WIPF1: variants seen among roughly 807,000 people sequenced by gnomAD.
WIPF1 encodes the protein WAS/WASL-interacting protein family member 1.
In WIPF1, 13 loss-of-function variants were observed where a neutral mutation model predicts 35.4. The ratio of observed to expected loss-of-function variants is 0.37; its 90% CI spans 0.24 to 0.58. The LOEUF (loss-of-function observed/expected upper bound fraction) is 0.58. Ranked by LOEUF, WIPF1 falls within the 20% of genes least tolerant of loss-of-function variation. The probability of loss-of-function intolerance (pLI) is 0.74; values close to 1 mark genes in which losing one functional copy is unlikely to be tolerated. For missense variants in WIPF1, 591 were observed against 667.0 expected, an observed-to-expected ratio of 0.89 and a Z score of 1.25; for synonymous variants, 267 against 266.3, an observed-to-expected ratio of 1.00 and a Z score of -0.02.
At chr2:174,569,585 A>C (rs1048358669) in intron 5 of WIPF1, among the ~76,000 whole-genome samples, 3 of 152,188 alleles carry the variant, frequency 2.0e-5, no homozygotes, top group Non-Finnish European at 2.9e-5. Flanking sequence ...CCCTGCTCCA[A>C]ATCCTGGCAG....
Position 174,561,826 on chromosome 2 carries a change from A to G in WIPF1, c.*721T>C, listed in dbSNP as rs1054465013. 2 of 408,182 alleles carry G rather than the reference A, an allele frequency of 4.9e-6. No homozygotes were observed. The highest frequency in any genetic ancestry group is 4.0e-5 in the African/African-American group (2 of 50,194). The allele number at this position is 408,182 out of a possible 1,614,324, so 25.3% of individuals were successfully genotyped here. On this transcript the variant is annotated 3_prime_UTR_variant, in exon 8 of 8. Transcript: ENST00000679041. ...CTACTGAGCACTTAAAAATGTGACT[A>G]GTCTGAATGGAGATGTGCGGTAAGT...
intron 3 of WIPF1, among the ~76,000 whole-genome samples, chr2:174,577,450 A>G (rs1685094606): frequency 6.6e-6 from 1 of 152,232 alleles, no homozygotes; most frequent in Non-Finnish European, 1.5e-5. Flanking sequence ...TTCAAAGTTA[A>G]TATGAATTAT....
Position 174,571,807 on chromosome 2 carries a change from C to T in WIPF1, c.998G>A (p.Arg333Lys). The T allele has an allele frequency of 6.2e-7, 1 of 1,614,172 alleles. No individual in the cohort carries two copies. The highest frequency in any genetic ancestry group is 8.5e-7 in the Non-Finnish European group (1 of 1,180,034). The change falls in exon 5 of 8, where the codon AGA (arginine) becomes AAA (lysine). Residue 333 changes from arginine to lysine, a missense_variant. Physicochemically the swap from Arg to Lys is conservative, Grantham distance 26. Coordinates refer to ENST00000679041, the MANE Select transcript of WIPF1 (RefSeq NM_001375834.1). This position sits in a 1 kb window ranked among gnomAD's most constrained non-coding sequence, Gnocchi z 4.6. ...PSSSGNDETP[R>K]LPQRNLSLSS... ...GAGGGACAGATTCCGCTGTGGGAGT[C>T]TTGGGGTTTCGTCATTGCCGCTGGA... is the stretch of plus-strand genomic sequence containing the variant.
At chr2:174,680,572 T>G (rs772873173) in intron 1 of WIPF1, among the ~76,000 whole-genome samples, 1 of 152,232 alleles carries the variant, frequency 6.6e-6, no homozygotes, top group Admixed American at 6.5e-5. Context: ...TCTCTCAGTA[T>G]GTGTTGTGGA....
chr2:174,614,815 A>G (rs1426104555), intron 1 of WIPF1, among the ~76,000 whole-genome samples: 2 of 152,212 alleles, frequency 1.3e-5, no homozygotes, highest in African/African-American at 4.8e-5. Context: ...CTTACTCTTC[A>G]CTAGCATTGT....
At chr2:174,574,261 A>G (rs916035869) in intron 4 of WIPF1, among the ~76,000 whole-genome samples, 6 of 152,156 alleles carry the variant, frequency 3.9e-5, no homozygotes, top group African/African-American at 1.4e-4. Context: ...TACTAAATGT[A>G]TACATTTATC....
Position 174,575,898 on chromosome 2 carries a change from C to T in WIPF1, c.182-518G>A, listed in dbSNP as rs146693583. Among the ~76,000 whole-genome samples, 43 of 151,602 alleles carry T rather than the reference C, an allele frequency of 2.8e-4. 2 individuals are homozygous for T. Among genetic ancestry groups the T allele is most frequent in the African/African-American group, 9.0e-4 (37 of 41,304 alleles). Reference sequence around the variant, plus strand: ...AGGGAGGAGGAGATGCCATAAAAGGCGAGAAGAAAGGAAAGAGTTAAAAAG... The same window carrying T: ...AGGGAGGAGGAGATGCCATAAAAGGTGAGAAGAAAGGAAAGAGTTAAAAAG... On this transcript the variant is annotated intron_variant, in intron 3 of 7. Coordinates refer to ENST00000679041, the MANE Select transcript of WIPF1 (RefSeq NM_001375834.1).
At chr2:174,581,138 A>AC in intron 3 of WIPF1, 172 bp downstream of exon 3, 1 of 818,620 alleles carries the variant, frequency 1.2e-6, no homozygotes, top group Non-Finnish European at 1.8e-6. Context: ...TTAGAGGGGA[A>AC]CCCAAGCCAA....
chr2:174,611,018 C>T (rs974879875), intron 1 of WIPF1, among the ~76,000 whole-genome samples: 7 of 152,146 alleles, frequency 4.6e-5, no homozygotes, highest in African/African-American at 1.4e-4. Flanking sequence ...TGTTAACTAG[C>T]GAGCAGCTGT....
At chr2:174,680,871 T>C (rs2106000329) in intron 1 of WIPF1, among the ~76,000 whole-genome samples, 2 of 152,272 alleles carry the variant, frequency 1.3e-5, no homozygotes, top group Admixed American at 1.3e-4. Flanking sequence ...TCCTACTAGA[T>C]CCTCATACCC....
chr2:174,601,160 C>T (rs1486931689), upstream of WIPF1, among the ~76,000 whole-genome samples: 1 of 152,058 alleles, frequency 6.6e-6, no homozygotes, highest in African/African-American at 2.4e-5. Flanking sequence ...CTCCTGGCCT[C>T]AAGTGATCTG....
rs778863564 is a variant in WIPF1 at position 174,581,390 on chromosome 2, T to C, written c.101A>G (p.Asn34Ser). 3 of 1,613,980 alleles carry C rather than the reference T, an allele frequency of 1.9e-6. No homozygotes were observed. Among genetic ancestry groups the C allele is most frequent in the African/African-American group, 1.3e-5 (1 of 74,910 alleles). ...TTTGCTGATATCAGAAAGGAGAGCA[T>C]TTCTCCCAGCCTGCTCTGTCTTATT... ...TLNKTEQAGRNALLSDISKGK... is the reference protein window; with the variant it reads ...TLNKTEQAGRSALLSDISKGK... Residue 34 changes from asparagine (N) to serine (S), a missense_variant, in exon 3 of 8, where the codon AAT becomes AGT. Around this residue, in one of 3 missense-constraint regions of WIPF1, gnomAD observed 471 missense variants for 501.1 expected, o/e 0.94. Coordinates refer to ENST00000679041, the MANE Select transcript of WIPF1 (RefSeq NM_001375834.1).
intron 1 of WIPF1, among the ~76,000 whole-genome samples, chr2:174,664,245 C>A (rs896744880): frequency 6.6e-6 from 1 of 152,196 alleles, no homozygotes; most frequent in African/African-American, 2.4e-5. Flanking sequence ...GGCAGGACAA[C>A]CAGAACAGAG....
intron 4 of WIPF1, among the ~76,000 whole-genome samples, chr2:174,573,435 A>G (rs1684939978): frequency 6.6e-6 from 1 of 152,246 alleles, no homozygotes; most frequent in Non-Finnish European, 1.5e-5. Flanking sequence ...GGGGGGAGAT[A>G]AACAATAAAC....
At chr2:174,659,291 A>G (rs998996474) in intron 1 of WIPF1, among the ~76,000 whole-genome samples, 3 of 152,178 alleles carry the variant, frequency 2.0e-5, no homozygotes, top group Non-Finnish European at 2.9e-5. Context: ...GCTACTTTCA[A>G]TGGAGGCTCA....
At chr2:174,602,790 G>T (rs1191093755), upstream of WIPF1, among the ~76,000 whole-genome samples, 1 of 152,136 alleles carries the variant, frequency 6.6e-6, no homozygotes, top group Non-Finnish European at 1.5e-5. Context: ...ATCTTACTTG[G>T]GGAAAAGTCT....
chr2:174,607,715 C>G (rs1267452297), intron 1 of WIPF1, among the ~76,000 whole-genome samples: 1 of 152,084 alleles, frequency 6.6e-6, no homozygotes, highest in Admixed American at 6.6e-5. Context: ...GTTCTCTTGG[C>G]TGCTCCCCTC....
intron 1 of WIPF1, among the ~76,000 whole-genome samples, chr2:174,602,895 CT>C (rs1686051838): frequency 2.6e-5 from 4 of 152,214 alleles, no homozygotes; most frequent in Admixed American, 2.6e-4. Flanking sequence ...CCCGTGCTCA[CT>C]CTCAAACCAT....
chr2:174,597,241 C>G (rs969001178), intron 1 of WIPF1, among the ~76,000 whole-genome samples: 55 of 152,156 alleles, frequency 3.6e-4, no homozygotes, highest in African/African-American at 1.1e-3. Context: ...GCTGGCCACA[C>G]CAAAGATTCA....
Sources: gnomAD v4.1 joint callset for allele counts (sites outside exome capture counted in the v4.1 genomes callset) on GRCh38, gnomAD v4.1.1 for gene constraint, gnomAD v4.1.1 regional missense constraint, Gnocchi (gnomAD v3.1) non-coding constraint, MANE v1.5 for transcripts, NCBI Gene and HGNC (gene_info 2026-07-23, HGNC 2026-07-21) for gene names.